The following PITRM1 variants were observed in gnomAD, a reference collection of about 807,000 sequenced individuals.
PITRM1 encodes pitrilysin metallopeptidase 1.
Under a neutral mutation model 129.9 loss-of-function variants are expected in PITRM1, and 100 were observed. The ratio of observed to expected loss-of-function variants is 0.77; its 90% confidence interval spans 0.65 to 0.91. The LOEUF (loss-of-function observed/expected upper bound fraction) is 0.91. Among genes scored for constraint, PITRM1 ranks in the 40% least tolerant of loss-of-function variants. The pLI, the probability that PITRM1 is intolerant of heterozygous loss-of-function variation, is 0.00. For missense variants in PITRM1, 1,471 were observed against 1,318.3 expected (o/e 1.12, Z -1.79); for synonymous variants, 591 against 508.8 (o/e 1.16, Z -2.17).
intron 21 of PITRM1, chr10:3,145,375 C>G (rs1368555579): frequency 5.5e-6 from 3 of 547,116 alleles, no homozygotes; most frequent in Non-Finnish European, 9.7e-6. Context: ...GAAGTGAGCG[C>G]GGGATCTAAG....
intron 7 of PITRM1, 35 bp from the exon 8 acceptor site, chr10:3,160,365 A>C (rs752497709): frequency 1.9e-6 from 3 of 1,550,176 alleles, no homozygotes; most frequent in South Asian, 1.1e-5. Context: ...AGTCTGTTTT[A>C]GTTTAAAAGA....
chr10:3,141,327 C>T (rs1227068116), intron 23 of PITRM1, among the ~76,000 whole-genome samples: 1 of 152,208 alleles, frequency 6.6e-6, no homozygotes, highest in Non-Finnish European at 1.5e-5. Flanking sequence ...GGAATCTTAA[C>T]ACTTCCAGCA....
rs1247883326 is a variant in PITRM1, at chr10:3,143,844, A to G, written c.2533-343T>C. On this transcript the variant is annotated intron_variant, in intron 22 of 26. Coordinates refer to ENST00000224949, the MANE Select transcript of PITRM1 (RefSeq NM_014889.4). The stretch of plus-strand genomic sequence containing the variant: ...GTTACATATTTATATTTCATATCAT[A>G]TTATATCATAGGAATGTGTTAAATC... 3 of 564,466 alleles carry G rather than the reference A, an allele frequency of 5.3e-6. No homozygotes were observed. In the African/African-American group the frequency reaches 5.5e-5, roughly 10 times the overall value. 35.0% of individuals were successfully genotyped at this position (564,466 alleles called of 1,614,324 possible).
At chr10:3,144,050 A>G (rs1588639851) in intron 22 of PITRM1, 3 of 581,596 alleles carry the variant, frequency 5.2e-6, no homozygotes, top group South Asian at 4.1e-5. Context: ...GGGAAGACGC[A>G]CCCCATACCA....
chr10:3,162,162 A>G (rs1842504164), intron 7 of PITRM1, among the ~76,000 whole-genome samples: 1 of 143,240 alleles, frequency 7.0e-6, no homozygotes, highest in Non-Finnish European at 1.5e-5. Context: ...TGTCTTTAAA[A>G]AAAAAAAAAA....
In PITRM1 at chr10:3,152,124, C is replaced by T. The variant is rs149145559; in HGVS notation, c.1622-761G>A. ...ACAAGCACATAAATCACACAAATTA[C>T]AGTGGTGCTTAGAAAGACACTTCCT... On this transcript the variant is annotated intron_variant, in intron 14 of 26. Transcript: ENST00000224949. 1.2e-3 allele frequency among the ~76,000 whole-genome samples: 182 copies of T among 152,276 alleles called. 2 individuals are homozygous for T. In the Middle Eastern group the frequency reaches 0.014, roughly 11 times the overall value.
intron 21 of PITRM1, chr10:3,145,334 T>TTTCCTA (rs1221153319): frequency 2.4e-6 from 1 of 423,382 alleles, no homozygotes; most frequent in Non-Finnish European, 4.2e-6. Context: ...CAAAGTCTGT[T>TTTCCTA]TTCCTATCAG....
chr10:3,166,483 A>C, intron 3 of PITRM1, 103 bp from the exon 4 acceptor site: 1 of 517,144 alleles, frequency 1.9e-6, no homozygotes, highest in Non-Finnish European at 3.3e-6. Flanking sequence ...CATCATTCTG[A>C]CACCACAATC....
At chr10:3,161,481 T>C (rs1460803905) in intron 7 of PITRM1, among the ~76,000 whole-genome samples, 1 of 152,198 alleles carries the variant, frequency 6.6e-6, no homozygotes, top group Non-Finnish European at 1.5e-5. Context: ...CCTTCAGAAA[T>C]TTCTCACTCT....
In PITRM1 at chr10:3,147,995, T is replaced by A. The variant is rs1301084841; in HGVS notation, c.2061A>T (p.Ile687=). ...CTTGCAAATAAAGTTACTTGTTAAA[T>A]ATTTCACTCCATAGCTGCATCATGT... ...LPDMMQLWSE[I]FNNPCFEEEE... The change falls in exon 18 of 27, where the codon ATA becomes ATT. Residue 687 remains isoleucine (I), a synonymous_variant. Transcript: ENST00000224949. 1 of 1,611,176 alleles carries A rather than the reference T, an allele frequency of 6.2e-7. No individual in the cohort carries two copies. The highest frequency in any genetic ancestry group is 1.1e-5 in the South Asian group (1 of 91,034).
At chr10:3,163,566 T>C in intron 7 of PITRM1, 159 bp downstream of exon 7, 7 of 612,176 alleles carry the variant, frequency 1.1e-5, no homozygotes, top group Non-Finnish European at 2.0e-5. Context: ...AAAATCAATG[T>C]CCAAGTAAGA....
In PITRM1 at chr10:3,145,654, AG is replaced by A. The variant is rs867750163; in HGVS notation, c.2398del (p.Arg801GlufsTer53). 1.9e-6 allele frequency: 3 copies of A among 1,550,512 alleles called. No homozygotes were observed. The highest frequency in any genetic ancestry group is 2.6e-6 in the Non-Finnish European group (3 of 1,147,072). ...PQTEKAVEDFLRSIGRSKKER... is the reference protein window; with the variant it reads ...PQTEKAVEDFXRSIGRSKKER... ...CTTTTTACTCCGACCGATGCTTCTA[AG>A]GAAGTCTTCGACCGCTTTTTCTGTC... On this transcript the variant is annotated frameshift_variant, in exon 21 of 27. Transcript: ENST00000224949. LOFTEE classifies it high-confidence loss of function.
At chr10:3,145,449 T>TG in intron 21 of PITRM1, 147 bp downstream of exon 21, 1 of 678,830 alleles carries the variant, frequency 1.5e-6, no homozygotes, top group Non-Finnish European at 2.5e-6. Flanking sequence ...TTAATCCTCC[T>TG]GAACCTCAGT....
chr10:3,154,929 T>C (rs1841849562), intron 14 of PITRM1, among the ~76,000 whole-genome samples: 1 of 152,210 alleles, frequency 6.6e-6, no homozygotes, highest in Non-Finnish European at 1.5e-5. Context: ...CTTAGGTGTC[T>C]AATTGCCTCT....
chr10:3,172,651 G>C (rs897052529), intron 1 of PITRM1, 66 bp downstream of exon 1: 3 of 1,430,170 alleles, frequency 2.1e-6, no homozygotes, highest in African/African-American at 2.9e-5. Flanking sequence ...CTACGCCTCC[G>C]GCCTGCCCTG....
intron 14 of PITRM1, among the ~76,000 whole-genome samples, chr10:3,153,988 T>A (rs185956812): frequency 3.2e-4 from 49 of 152,308 alleles, no homozygotes; most frequent in African/African-American, 1.1e-3. Context: ...AGCCACCACA[T>A]CATAGTACTG....
chr10:3,159,098 T>G (rs1017685314), intron 9 of PITRM1, 56 bp from the exon 10 acceptor site: 1 of 1,462,798 alleles, frequency 6.8e-7, no homozygotes, highest in Admixed American at 2.2e-5. Context: ...GGAAAATTAC[T>G]GGCCCTTATG....
intron 1 of PITRM1, 26 bp from the exon 2 acceptor site, chr10:3,170,232 AT>A: frequency 2.6e-6 from 4 of 1,557,336 alleles, no homozygotes; most frequent in Non-Finnish European, 3.5e-6. Flanking sequence ...TCTAAGTTAG[AT>A]GAGTTGCAGG....
At chr10:3,146,340 T>C (rs1022024947) in intron 20 of PITRM1, 2 of 152,630 alleles carry the variant, frequency 1.3e-5, no homozygotes, top group African/African-American at 2.4e-5. Context: ...ATCCCAGGCA[T>C]GTATGCTGCC....
Sources: allele counts gnomAD v4.1 joint callset (sites outside exome capture counted in the v4.1 genomes callset), GRCh38; gene constraint gnomAD v4.1.1; transcripts MANE v1.5; gene names NCBI Gene and HGNC (gene_info 2026-07-23, HGNC 2026-07-21).